The following PLCH1 variants were observed in gnomAD, a reference collection of about 807,000 sequenced individuals.
The protein encoded by PLCH1 is phospholipase C eta 1.
A neutral mutation model predicts 126.7 loss-of-function variants in PLCH1; 60 were observed. That is an observed-to-expected ratio of 0.47 (90% CI 0.38 to 0.59). PLCH1 has a LOEUF of 0.59. Ranked by LOEUF, PLCH1 falls within the 20% of genes least tolerant of loss-of-function variation. The probability of loss-of-function intolerance (pLI) is 0.00; values close to 1 mark genes in which losing one functional copy is unlikely to be tolerated. For synonymous variants in PLCH1, 719 were observed against 734.9 expected (o/e 0.98, Z 0.35); for missense variants, 1,723 against 2,040.0 (o/e 0.84, Z 2.99).
intron 2 of PLCH1, among the ~76,000 whole-genome samples, chr3:155,701,497 T>C (rs1438201409): frequency 6.6e-6 from 1 of 152,228 alleles, no homozygotes; most frequent in African/African-American, 2.4e-5. Context: ...TCCAAAAGTC[T>C]ATTATTCTGC....
At chr3:155,565,140 T>G (rs1227173778) in intron 7 of PLCH1, 22 bp from the exon 8 acceptor site, 8 of 1,537,356 alleles carry the variant, frequency 5.2e-6, no homozygotes, top group Non-Finnish European at 7.2e-6. Context: ...AGAGAGTGAC[T>G]TACTACAGCT....
chr3:155,481,558 AG>A lies in PLCH1; in HGVS notation c.4467del (p.Leu1490Ter), dbSNP rs1360282020. 1.2e-6 allele frequency: 2 copies of A among 1,614,084 alleles called. No individual in the cohort carries two copies. The highest frequency in any genetic ancestry group is 2.7e-5 in the African/African-American group (2 of 74,932). ...PSPCKSKSLGDLTSEDIACNF... is the reference protein window; with the variant it reads ...PSPCKSKSLGXLTSEDIACNF... ...TTGCAGGCAATGTCCTCTGATGTTAAGTCCCCCAGACTTTTGGATTTGCAAG... is the reference window on the plus strand; with the variant it reads ...TTGCAGGCAATGTCCTCTGATGTTAATCCCCCAGACTTTTGGATTTGCAAG... On this transcript the variant is annotated frameshift_variant, in exon 23 of 23. Transcript: ENST00000460012. LOFTEE classifies it low-confidence loss of function (END_TRUNC). The surrounding 1 kb of genome is among the most constrained non-coding windows in gnomAD (Gnocchi z 4.2).
Position 155,494,415 on chromosome 3 carries a change from C to T in PLCH1, c.1997G>A (p.Arg666Lys). 1 of 1,614,050 alleles carries T rather than the reference C, an allele frequency of 6.2e-7. No homozygotes were observed. The highest frequency in any genetic ancestry group is 8.5e-7 in the Non-Finnish European group (1 of 1,179,970). ...AATGCGGTAGGCAGAGGGGTAAATC[C>T]TCGTGAGTTGCTTTTGATTATAAAT... ...FMIYNQKQLT[R>K]IYPSAYRIDS... The change falls in exon 16 of 23, where the codon AGG becomes AAG. Residue 666 changes from arginine to lysine, a missense_variant. Physicochemically the swap from Arg to Lys is conservative, Grantham distance 26. Transcript: ENST00000460012.
At chr3:155,732,735 G>A (rs967275499) in intron 1 of PLCH1, among the ~76,000 whole-genome samples, 4 of 151,794 alleles carry the variant, frequency 2.6e-5, no homozygotes, top group Non-Finnish European at 4.4e-5. Context: ...AAAGTTATCT[G>A]TGCATGGTGG....
At chr3:155,641,447 T>A (rs1342357688) in intron 2 of PLCH1, among the ~76,000 whole-genome samples, 1 of 152,000 alleles carries the variant, frequency 6.6e-6, no homozygotes, top group Admixed American at 6.6e-5. Context: ...AGGAGAGAGG[T>A]CCTCATCAAA....
chr3:155,539,893 A>C (rs1016206334), intron 10 of PLCH1, among the ~76,000 whole-genome samples: 1 of 152,162 alleles, frequency 6.6e-6, no homozygotes, highest in Non-Finnish European at 1.5e-5. Context: ...AAAAATCCTA[A>C]AATTCATATG....
intron 2 of PLCH1, among the ~76,000 whole-genome samples, chr3:155,703,906 A>T (rs965272257): frequency 6.6e-6 from 1 of 152,212 alleles, no homozygotes; most frequent in Admixed American, 6.5e-5. Context: ...CACTGGTACC[A>T]ACTACCCTAC....
intron 12 of PLCH1, 99 bp downstream of exon 12, chr3:155,514,624 T>C (rs1720055528): frequency 2.7e-6 from 2 of 735,612 alleles, no homozygotes; most frequent in Non-Finnish European, 4.1e-6. Context: ...AGGACAGAAA[T>C]AGAAGAAGTT....
At chr3:155,593,849 A>G in intron 4 of PLCH1, 92 bp downstream of exon 4, 1 of 1,320,340 alleles carries the variant, frequency 7.6e-7, no homozygotes, top group Non-Finnish European at 1.0e-6. Context: ...TATGGGAAAA[A>G]TTAAAACATA....
At chr3:155,638,954 T>C (rs9844708) in intron 2 of PLCH1, among the ~76,000 whole-genome samples, 77,279 of 152,060 alleles carry the variant, frequency 0.51, 22,731 homozygotes, top group African/African-American at 0.8. Context: ...CAAGCAAATG[T>C]AGCTTAAATA....
In PLCH1 at chr3:155,565,123, G is replaced by A. The variant is rs1728152942; in HGVS notation, c.866-5C>T. On this transcript the variant is annotated splice_polypyrimidine_tract_variant and splice_region_variant and intron_variant, in intron 7 of 22. Transcript: ENST00000460012. ...TACGCATGAAGTTCGTGAAGCCTTT[G>A]GAAGAAAGAGAGTGACTTACTACAG... The A allele has an allele frequency of 6.2e-6, 10 of 1,605,050 alleles. No homozygotes were observed. The highest frequency in any genetic ancestry group is 7.7e-6 in the Non-Finnish European group (9 of 1,171,984).
At chr3:155,580,189 A>T (rs1303476438) in intron 6 of PLCH1, among the ~76,000 whole-genome samples, 1 of 152,200 alleles carries the variant, frequency 6.6e-6, no homozygotes, top group Non-Finnish European at 1.5e-5. Context: ...AACTGAAACA[A>T]ATCTTTTATA....
chr3:155,488,322 C>T (rs563693315), intron 20 of PLCH1, among the ~76,000 whole-genome samples: 13 of 152,112 alleles, frequency 8.5e-5, no homozygotes, highest in East Asian at 7.8e-4. Context: ...CTCGGCTTCC[C>T]GAATAGCTGG....
intron 2 of PLCH1, among the ~76,000 whole-genome samples, chr3:155,690,326 G>C (rs1745277165): frequency 6.6e-6 from 1 of 152,182 alleles, no homozygotes; most frequent in South Asian, 2.1e-4. Flanking sequence ...TATAATGAAA[G>C]CTAAGGACTT....
chr3:155,638,441 G>C (rs1057003132), intron 2 of PLCH1, among the ~76,000 whole-genome samples: 2 of 152,174 alleles, frequency 1.3e-5, no homozygotes, highest in African/African-American at 2.4e-5. Context: ...ATCGAAATTT[G>C]GTTTGCTTTC....
rs137999970 is a variant in PLCH1, at chr3:155,485,404, G to A, written c.2926C>T (p.Pro976Ser). 1.9e-4 allele frequency: 309 copies of A among 1,610,050 alleles called. 1 individual carries two copies. In the African/African-American group the frequency reaches 3.9e-3, roughly 20 times the overall value. ...ATGTCTTTTGCTGTTTCAGATACAG[G>A]CAGCGACAAAGCTCCCAGAAGGTTT... ...DRNLLGALSL[P>S]VSETAKDIEG... The change falls in exon 22 of 23, where the codon CCT becomes TCT. Residue 976 changes from proline to serine, a missense_variant. Physicochemically the swap from Pro to Ser is moderately conservative, Grantham distance 74 (BLOSUM62 -1). Transcript: ENST00000460012.
chr3:155,541,028 T>C (rs1724157296), intron 10 of PLCH1, among the ~76,000 whole-genome samples: 2 of 152,202 alleles, frequency 1.3e-5, no homozygotes, highest in South Asian at 2.1e-4. Flanking sequence ...AAATGTGGTA[T>C]ACATATATAC....
At chr3:155,730,193 G>A (rs906531811) in intron 1 of PLCH1, among the ~76,000 whole-genome samples, 5 of 151,792 alleles carry the variant, frequency 3.3e-5, no homozygotes, top group African/African-American at 1.2e-4. Context: ...AATTCAAAAG[G>A]TCCTCAAGGA....
At chr3:155,683,197 G>T (rs531487715) in intron 2 of PLCH1, among the ~76,000 whole-genome samples, 1 of 152,252 alleles carries the variant, frequency 6.6e-6, no homozygotes, top group African/African-American at 2.4e-5. Flanking sequence ...TCATTAGCCT[G>T]ACTGCCTCTT....
Sources: allele counts gnomAD v4.1 joint callset (sites outside exome capture counted in the v4.1 genomes callset), GRCh38; gene constraint gnomAD v4.1.1; non-coding constraint Gnocchi (gnomAD v3.1); transcripts MANE v1.5; gene names NCBI Gene and HGNC (gene_info 2026-07-23, HGNC 2026-07-21).